TENM1: variants seen among roughly 807,000 people sequenced by gnomAD.
TENM1 encodes teneurin transmembrane protein 1.
In TENM1, 35 loss-of-function variants were observed where a neutral mutation model predicts 174.8. The ratio of observed to expected loss-of-function variants is 0.20; its 90% confidence interval spans 0.15 to 0.27. The LOEUF (loss-of-function observed/expected upper bound fraction) is 0.27. TENM1 is among the 10% of genes least tolerant of loss of function. TENM1 has a pLI of 1.00. For missense variants in TENM1, 1,633 were observed against 2,130.1 expected (o/e 0.77, Z 4.59); for synonymous variants, 781 against 798.7 (o/e 0.98, Z 0.37).
the TENM1 span, among the ~76,000 whole-genome samples, chrX:125,149,434 G>A: frequency 3.6e-5 from 4 of 111,935 alleles, no homozygotes; most frequent in African/African-American, 1.3e-4. Flanking sequence ...TCTTCCAATA[G>A]ATTGTTCTTT....
At chrX:124,834,332 C>T (rs113418663) in intron 3 of TENM1, among the ~76,000 whole-genome samples, 401 of 111,103 alleles carry the variant, frequency 3.6e-3, no homozygotes, top group African/African-American at 0.012. Context: ...CCACCACGCC[C>T]GGCTAATTTT....
At chrX:124,675,966 A>G (rs1822137095) in intron 5 of TENM1, among the ~76,000 whole-genome samples, 1 of 107,119 alleles carries the variant, frequency 9.3e-6, no homozygotes, top group East Asian at 3.0e-4. Context: ...GAAGTCTTAC[A>G]TGAAGTGTGT....
intron 23 of TENM1, among the ~76,000 whole-genome samples, chrX:124,430,351 C>T (rs1022572696): frequency 8.9e-6 from 1 of 112,143 alleles, no homozygotes; most frequent in Non-Finnish European, 1.9e-5. Flanking sequence ...CTCAGGCTCA[C>T]GAGTTAAGAT....
intron 3 of TENM1, among the ~76,000 whole-genome samples, chrX:124,872,518 A>G (rs968650809): frequency 8.9e-6 from 1 of 112,410 alleles, no homozygotes; most frequent in East Asian, 2.8e-4. Flanking sequence ...CAAAACGTTA[A>G]AAGTATCAAC....
At chrX:124,684,705 C>T (rs774521893) in intron 5 of TENM1, among the ~76,000 whole-genome samples, 2 of 112,017 alleles carry the variant, frequency 1.8e-5, no homozygotes, top group South Asian at 7.5e-4. Flanking sequence ...TCCCACGGAT[C>T]TGACCTTTAG....
chrX:124,866,651 A>G (rs996139248), intron 3 of TENM1, among the ~76,000 whole-genome samples: 27 of 111,655 alleles, frequency 2.4e-4, no homozygotes, highest in African/African-American at 8.4e-4. Flanking sequence ...AAAAGAAATA[A>G]TAAAGATCAG....
intron 3 of TENM1, among the ~76,000 whole-genome samples, chrX:124,744,557 T>C (rs1361801510): frequency 8.9e-6 from 1 of 112,248 alleles, no homozygotes; most frequent in East Asian, 2.8e-4. Context: ...TTATCTTATG[T>C]TGACAATGAT....
chrX:124,764,681 GTTT>G (rs201275180), intron 3 of TENM1, among the ~76,000 whole-genome samples: 2 of 88,712 alleles, frequency 2.3e-5, no homozygotes, highest in Admixed American at 2.5e-4. Flanking sequence ...TGTTTGGACT[GTTT>G]TTTTTTTTTT....
At chrX:125,115,281 A>G in the TENM1 span, among the ~76,000 whole-genome samples, 7 of 111,699 alleles carry the variant, frequency 6.3e-5, no homozygotes, top group African/African-American at 2.3e-4. Flanking sequence ...CACAGCCAAT[A>G]TCATGTTGAA....
At chrX:124,671,818 G>A (rs1258544647) in exon 6 of TENM1, 2 of 1,208,996 alleles carry the variant, frequency 1.7e-6, no homozygotes, top group Non-Finnish European at 2.2e-6. Context: ...TGCCAAGTCA[G>A]GCCGAACAAA....
At chrX:125,030,815 A>G in the TENM1 span, among the ~76,000 whole-genome samples, 1 of 112,140 alleles carries the variant, frequency 8.9e-6, no homozygotes, top group Non-Finnish European at 1.9e-5. Flanking sequence ...AGGACACTTA[A>G]TGAGTAGATA....
intron 23 of TENM1, among the ~76,000 whole-genome samples, chrX:124,434,893 T>C (rs1458204716): frequency 8.9e-6 from 1 of 112,228 alleles, no homozygotes; most frequent in Non-Finnish European, 1.9e-5. Context: ...CTCTCAGCCC[T>C]TCTGGGGGTG....
chrX:124,978,058 T>C, the TENM1 span, among the ~76,000 whole-genome samples: 1 of 108,030 alleles, frequency 9.3e-6, no homozygotes, highest in Admixed American at 1.0e-4. Context: ...TTGGATAATA[T>C]CTACAGATCA....
chrX:124,557,479 T>C (rs1057087790), intron 14 of TENM1, among the ~76,000 whole-genome samples: 2 of 111,024 alleles, frequency 1.8e-5, no homozygotes, highest in East Asian at 5.6e-4. Context: ...GAATTGTTTG[T>C]TTTCTTTTAC....
At chrX:125,165,975 G>A in the TENM1 span, among the ~76,000 whole-genome samples, 1 of 111,156 alleles carries the variant, frequency 9.0e-6, no homozygotes, top group African/African-American at 3.3e-5. Context: ...AAATGCATAC[G>A]AATATATAAT....
At chrX:124,563,718 T>A (rs1463165784) in intron 13 of TENM1, 31 bp downstream of exon 16, 1 of 1,140,308 alleles carries the variant, frequency 8.8e-7, no homozygotes, top group South Asian at 2.0e-5. Flanking sequence ...AAAATATATT[T>A]CTGTTATAAA....
chrX:124,865,645 G>T (rs1290871519), intron 3 of TENM1, among the ~76,000 whole-genome samples: 1 of 111,072 alleles, frequency 9.0e-6, no homozygotes, highest in African/African-American at 3.3e-5. Flanking sequence ...TAACAAAATG[G>T]CAGGAGTAAG....
At chrX:124,490,873 G>A (rs949395530) in intron 20 of TENM1, among the ~76,000 whole-genome samples, 1 of 111,821 alleles carries the variant, frequency 8.9e-6, no homozygotes, top group African/African-American at 3.2e-5. Context: ...CACTTGATAT[G>A]GTGTCTCCTA....
At chrX:124,710,406 T>C (rs2053018498) in intron 4 of TENM1, among the ~76,000 whole-genome samples, 1 of 112,136 alleles carries the variant, frequency 8.9e-6, no homozygotes, top group South Asian at 3.7e-4. Context: ...AGGAGAATAA[T>C]TGGATTTTTG....
Sources: allele counts gnomAD v4.1 joint callset (sites outside exome capture counted in the v4.1 genomes callset), GRCh38; gene constraint gnomAD v4.1.1; transcripts MANE v1.5; gene names NCBI Gene and HGNC (gene_info 2026-07-23, HGNC 2026-07-21).